Variants in ATRNL1 observed in about 807,000 individuals in gnomAD.
The protein encoded by ATRNL1 is attractin like 1.
Under a neutral mutation model 182.7 loss-of-function variants are expected in ATRNL1, and 95 were observed. That is an observed-to-expected ratio of 0.52 (90% CI 0.44 to 0.62). The LOEUF (loss-of-function observed/expected upper bound fraction) is 0.62, where lower values mean the gene tolerates loss of function less well. ATRNL1 is among the 20% of genes least tolerant of loss of function. The probability of loss-of-function intolerance (pLI) is 0.00; values close to 1 mark genes in which losing one functional copy is unlikely to be tolerated. For synonymous variants in ATRNL1, 576 were observed against 568.3 expected, an observed-to-expected ratio of 1.01 and a Z score of -0.19; for missense variants, 1,471 against 1,679.5, an observed-to-expected ratio of 0.88 and a Z score of 2.17.
chr10:115,130,644 C>T (rs116522075), intron 5 of ATRNL1, among the ~76,000 whole-genome samples: 1,789 of 152,120 alleles, frequency 0.012, 34 homozygotes, highest in African/African-American at 0.04. Context: ...ATTACAGGGA[C>T]ATGTATTTTA....
intron 5 of ATRNL1, among the ~76,000 whole-genome samples, chr10:115,157,740 C>T (rs1554882445): frequency 6.6e-6 from 1 of 152,116 alleles, no homozygotes; most frequent in Non-Finnish European, 1.5e-5. Flanking sequence ...TTTAATACAT[C>T]TGTAAAGTTC....
chr10:115,503,483 A>G (rs1378941783), intron 24 of ATRNL1, among the ~76,000 whole-genome samples: 1 of 152,116 alleles, frequency 6.6e-6, no homozygotes, highest in Non-Finnish European at 1.5e-5. Flanking sequence ...AAAACCTAAA[A>G]CGGTGAGATG....
At chr10:115,168,804 C>CT (rs1554884866) in intron 7 of ATRNL1, among the ~76,000 whole-genome samples, 4 of 151,858 alleles carry the variant, frequency 2.6e-5, no homozygotes, top group African/African-American at 9.7e-5. Context: ...AAAAATTGGA[C>CT]TTTATCTTGA....
In ATRNL1 at chr10:115,226,434, A is replaced by T. The variant is rs370071802; in HGVS notation, c.1532+10554A>T. Among the ~76,000 whole-genome samples the T allele has an allele frequency of 9.2e-5, 14 of 152,160 alleles. No individual in the cohort carries two copies. In the East Asian group the frequency reaches 1.5e-3, roughly 17 times the overall value. ...ATATTTATATGTCTAAAAAGTCAGTAAGAACACAAACATGCCATGCTCATG... is the reference window on the plus strand; with the variant it reads ...ATATTTATATGTCTAAAAAGTCAGTTAGAACACAAACATGCCATGCTCATG... On this transcript the variant is annotated intron_variant, in intron 9 of 28. Transcript: ENST00000355044.
chr10:115,630,812 A>G (rs1858441029), intron 26 of ATRNL1, among the ~76,000 whole-genome samples: 1 of 137,812 alleles, frequency 7.3e-6, no homozygotes, highest in Non-Finnish European at 1.5e-5. Flanking sequence ...TAATAGATAT[A>G]TAATATATGT....
intron 26 of ATRNL1, among the ~76,000 whole-genome samples, chr10:115,630,062 TG>T (rs1223359593): frequency 1.3e-5 from 2 of 152,154 alleles, no homozygotes; most frequent in African/African-American, 2.4e-5. Context: ...TTGCTTGCAT[TG>T]CCTGTATATG....
intron 19 of ATRNL1, among the ~76,000 whole-genome samples, chr10:115,380,483 C>G (rs673399): frequency 0.03 from 4,514 of 152,206 alleles, 211 homozygotes; most frequent in African/African-American, 0.1. Flanking sequence ...TCACCCCCCT[C>G]TAAAAAGCCC....
At chr10:115,478,036 A>G (rs1848610359) in intron 24 of ATRNL1, among the ~76,000 whole-genome samples, 1 of 151,660 alleles carries the variant, frequency 6.6e-6, no homozygotes. Context: ...AAATTCTTAA[A>G]TTACAAGTGA....
In ATRNL1 at chr10:115,806,649, T is replaced by C. The variant is rs576652118; in HGVS notation, c.3904-41228T>C. 1.6e-3 allele frequency among the ~76,000 whole-genome samples: 247 copies of C among 152,236 alleles called. 11 individuals carry two copies. The South Asian group carries it at 0.049, about 30-fold the overall frequency. ...CATATAATATACATTAATTAATTGA[T>C]TAGAATATGAAATTTGTCAGATCAG... On this transcript the variant is annotated intron_variant, in intron 27 of 28. Transcript: ENST00000355044.
Position 115,947,159 on chromosome 10 carries a change from T to C in ATRNL1, c.*2380T>C, listed in dbSNP as rs1555126028. 1 of 152,634 alleles carries C rather than the reference T, an allele frequency of 6.6e-6. No homozygotes were observed. The highest frequency in any genetic ancestry group is 1.5e-5 in the Non-Finnish European group (1 of 68,030). 9.5% of individuals were successfully genotyped at this position (152,634 alleles called of 1,614,324 possible). The stretch of plus-strand genomic sequence containing the variant: ...TGGCAGTAAATTCTTTGCCCTCAGG[T>C]GAAGTGGATTGAAAAGACATCAAGG... On this transcript the variant is annotated 3_prime_UTR_variant, in exon 29 of 29. Coordinates refer to ENST00000355044, the MANE Select transcript of ATRNL1 (RefSeq NM_207303.4).
intron 5 of ATRNL1, among the ~76,000 whole-genome samples, chr10:115,145,427 C>T (rs1438355251): frequency 6.6e-6 from 1 of 152,004 alleles, no homozygotes; most frequent in Non-Finnish European, 1.5e-5. Flanking sequence ...TTGACCGAAA[C>T]TGTAAGAGCC....
At chr10:115,773,617 C>G (rs1445305531) in intron 27 of ATRNL1, among the ~76,000 whole-genome samples, 3 of 152,130 alleles carry the variant, frequency 2.0e-5, no homozygotes, top group Non-Finnish European at 4.4e-5. Context: ...AGAATTTCAG[C>G]AGAGCATTCA....
At chr10:115,921,007 C>A (rs1953040717) in intron 28 of ATRNL1, among the ~76,000 whole-genome samples, 1 of 152,114 alleles carries the variant, frequency 6.6e-6, no homozygotes, top group Admixed American at 6.5e-5. Context: ...TCTGAAATTT[C>A]CTTCCCTTCT....
chr10:115,099,939 A>G (rs1232620019), intron 1 of ATRNL1, among the ~76,000 whole-genome samples: 1 of 152,136 alleles, frequency 6.6e-6, no homozygotes, highest in African/African-American at 2.4e-5. Flanking sequence ...CTAAGTTTTA[A>G]ATTGATTAAT....
intron 11 of ATRNL1, among the ~76,000 whole-genome samples, chr10:115,266,383 G>C (rs1242754169): frequency 1.3e-5 from 2 of 151,526 alleles, no homozygotes; most frequent in Non-Finnish European, 3.0e-5. Context: ...CAGTTCTAAA[G>C]TGTGTCTTGT....
intron 27 of ATRNL1, among the ~76,000 whole-genome samples, chr10:115,790,213 C>T (rs150345854): frequency 9.9e-5 from 15 of 151,216 alleles, no homozygotes; most frequent in African/African-American, 3.6e-4. Flanking sequence ...CACCCAGCCT[C>T]TACCCAGTGG....
chr10:115,670,589 T>A (rs1428091834), intron 26 of ATRNL1, among the ~76,000 whole-genome samples: 2 of 152,170 alleles, frequency 1.3e-5, no homozygotes, highest in Non-Finnish European at 2.9e-5. Flanking sequence ...TCTTAACTAC[T>A]GAGCAAGTAG....
At chr10:115,349,809 T>C (rs535894749) in intron 19 of ATRNL1, among the ~76,000 whole-genome samples, 80 of 152,296 alleles carry the variant, frequency 5.3e-4, no homozygotes, top group African/African-American at 1.9e-3. Context: ...ATTATTATTA[T>C]TTTGCTATTG....
intron 24 of ATRNL1, among the ~76,000 whole-genome samples, chr10:115,477,075 A>T (rs1264033388): frequency 1.3e-5 from 2 of 151,510 alleles, no homozygotes; most frequent in African/African-American, 4.8e-5. Context: ...TATACTCTTA[A>T]AAAAGTTTTA....
Sources: gnomAD v4.1 joint callset for allele counts (sites outside exome capture counted in the v4.1 genomes callset) on GRCh38, gnomAD v4.1.1 for gene constraint, MANE v1.5 for transcripts, NCBI Gene and HGNC (gene_info 2026-07-23, HGNC 2026-07-21) for gene names.